The following CHD9 variants were observed in gnomAD, a reference collection of about 807,000 sequenced individuals.
CHD9 encodes the protein chromodomain helicase DNA binding protein 9.
A neutral mutation model predicts 316.1 loss-of-function variants in CHD9; 77 were observed. The observed-to-expected ratio is 0.24, with a 90% CI of 0.20 to 0.29. The LOEUF (loss-of-function observed/expected upper bound fraction) is 0.29. Ranked by LOEUF, CHD9 falls within the 10% of genes least tolerant of loss-of-function variation. The pLI is 1.00. For missense variants in CHD9, 2,763 were observed against 3,438.1 expected (o/e 0.80, Z 4.91); for synonymous variants, 1,129 against 1,158.3 (o/e 0.97, Z 0.51).
rs1384339006 is a variant in CHD9 at position 53,156,067 on chromosome 16, CG to C, written c.-21del. The stretch of plus-strand genomic sequence containing the variant: ...TATACTCCATTTGGAGTGAACAGCC[CG>C]GATTGTTACAGAATTTTCAAGATGA... On this transcript the variant is annotated 5_prime_UTR_variant, in exon 2 of 39. Transcript: ENST00000447540. 1 of 1,597,582 alleles carries C rather than the reference CG, an allele frequency of 6.3e-7. No individual in the cohort carries two copies. The highest frequency in any genetic ancestry group is 8.5e-7 in the Non-Finnish European group (1 of 1,171,854).
At chr16:53,246,312 T>C (rs1201845997) in intron 15 of CHD9, among the ~76,000 whole-genome samples, 1 of 152,156 alleles carries the variant, frequency 6.6e-6, no homozygotes, top group Non-Finnish European at 1.5e-5. Context: ...TACGCCTCTC[T>C]ACTCACTTTA....
intron 1 of CHD9, among the ~76,000 whole-genome samples, chr16:53,074,332 T>C (rs988757006): frequency 6.6e-6 from 1 of 152,140 alleles, no homozygotes; most frequent in Non-Finnish European, 1.5e-5. Context: ...TTCAGAAAAT[T>C]TGCAGCCTGA....
Position 53,222,753 on chromosome 16 carries a change from C to G in CHD9, c.1894C>G (p.Gln632Glu), listed in dbSNP as rs2047352249. The G allele has an allele frequency of 6.9e-7, 1 of 1,441,172 alleles. No homozygotes were observed. The highest frequency in any genetic ancestry group is 2.0e-5 in the Admixed American group (1 of 51,010). The allele number at this position is 1,441,172 out of a possible 1,614,324, so 89.3% of individuals were successfully genotyped here. A position where few individuals can be genotyped will look rare whatever the true frequency, so the allele number is the denominator to read the frequency against. ...GCATACATTAAAAGATCAAGACTCT[C>G]AAGTGAGTATTACAATTTTTTCTAG... is the stretch of plus-strand genomic sequence containing the variant. The part of the protein sequence containing the change: ...PQHTLKDQDS[Q>E]KRRSNRQIKR... Residue 632 changes from glutamine (Q) to glutamate (E), a missense_variant and splice_region_variant, in exon 4 of 39, where the codon CAA becomes GAA. Physicochemically the swap from Gln to Glu is conservative, Grantham distance 29. Coordinates refer to ENST00000447540, the MANE Select transcript of CHD9 (RefSeq NM_001308319.2).
chr16:53,138,646 T>C (rs1040674630), intron 1 of CHD9, among the ~76,000 whole-genome samples: 17 of 152,210 alleles, frequency 1.1e-4, no homozygotes, highest in African/African-American at 3.9e-4. Flanking sequence ...ATATAGAAGA[T>C]AGATTTGTCT....
intron 3 of CHD9, among the ~76,000 whole-genome samples, chr16:53,215,418 AT>A (rs2046674264): frequency 6.6e-6 from 1 of 152,174 alleles, no homozygotes; most frequent in African/African-American, 2.4e-5. Flanking sequence ...ACTTTCGCAT[AT>A]TTAAGGATTA....
At position 53,157,551 on chromosome 16, in the gene CHD9, T is replaced by A. The variant is rs185191599; in HGVS notation, c.1452+10T>A. 4.4e-6 allele frequency: 7 copies of A among 1,590,630 alleles called. No individual in the cohort carries two copies. The highest frequency in any genetic ancestry group is 4.3e-6 in the Non-Finnish European group (5 of 1,166,134). On this transcript the variant is annotated intron_variant, in intron 2 of 38. Coordinates refer to ENST00000447540, the MANE Select transcript of CHD9 (RefSeq NM_001308319.2). ...ATGTTTACAGCGACAGGTATGTAGCTCTTTGCTTTTATTTTGGAGATTTGG... is the reference window on the plus strand; with the variant it reads ...ATGTTTACAGCGACAGGTATGTAGCACTTTGCTTTTATTTTGGAGATTTGG...
intron 2 of CHD9, among the ~76,000 whole-genome samples, chr16:53,190,101 A>G (rs958990786): frequency 6.6e-5 from 10 of 152,128 alleles, no homozygotes; most frequent in Non-Finnish European, 1.0e-4. Flanking sequence ...TTGGTCCCCA[A>G]ATTATTCTTA....
At chr16:53,302,735 T>C (rs1305873845) in intron 30 of CHD9, among the ~76,000 whole-genome samples, 2 of 152,196 alleles carry the variant, frequency 1.3e-5, no homozygotes, top group South Asian at 2.1e-4. Flanking sequence ...TGGGTATTTA[T>C]TCTATAGGTT....
At position 53,245,011 on chromosome 16, in the gene CHD9, G is replaced by T. The variant is rs1457807039; in HGVS notation, c.3055-325G>T. ...CATACCTGTAGTCCTAGCTACTCGG[G>T]AGTCTGAGGCAGGAGGATCCCTTAA... is the stretch of plus-strand genomic sequence containing the variant. On this transcript the variant is annotated intron_variant, in intron 13 of 38. Transcript: ENST00000447540. This position sits in a 1 kb window ranked among gnomAD's most constrained non-coding sequence, Gnocchi z 4.1. Among the ~76,000 whole-genome samples, 1 of 151,978 alleles carries T rather than the reference G, an allele frequency of 6.6e-6. No homozygotes were observed. The highest frequency in any genetic ancestry group is 1.5e-5 in the Non-Finnish European group (1 of 67,998).
chr16:53,222,893 A>G (rs2152907089), intron 4 of CHD9, 138 bp downstream of exon 4: 1 of 544,590 alleles, frequency 1.8e-6, no homozygotes, highest in East Asian at 3.1e-5. Flanking sequence ...AGGTAGCATT[A>G]TTACAATATG....
In CHD9 at chr16:53,157,375, G is replaced by T. The variant is rs1327319296; in HGVS notation, c.1286G>T (p.Ser429Ile). The stretch of plus-strand genomic sequence containing the variant: ...TCAACATTCGGACAAGATAATTCAA[G>T]TCACATTTTAGATCATGACCTTGAT... ...DESTFGQDNSSHILDHDLDRQ... is the reference protein window; with the variant it reads ...DESTFGQDNSIHILDHDLDRQ... Residue 429 changes from serine (S) to isoleucine (I), a missense_variant, in exon 2 of 39, where the codon AGT becomes ATT. Ser to Ile is a moderately radical substitution (Grantham distance 142). This residue lies in a region of CHD9 where 859 missense variants were observed against 890.4 expected (regional missense o/e 0.96). Coordinates refer to ENST00000447540, the MANE Select transcript of CHD9 (RefSeq NM_001308319.2). The T allele has an allele frequency of 1.9e-6, 3 of 1,613,964 alleles. No homozygotes were observed. The highest frequency in any genetic ancestry group is 3.3e-5 in the Admixed American group (2 of 60,016).
At chr16:53,098,651 A>C (rs1318849098) in intron 1 of CHD9, among the ~76,000 whole-genome samples, 1 of 152,176 alleles carries the variant, frequency 6.6e-6, no homozygotes, top group African/African-American at 2.4e-5. Context: ...AGTGTGACTC[A>C]ATCAACGCGA....
chr16:53,252,701 A>T (rs1448971464), intron 17 of CHD9, among the ~76,000 whole-genome samples: 1 of 152,036 alleles, frequency 6.6e-6, no homozygotes, highest in African/African-American at 2.4e-5. Flanking sequence ...AAATCAGAAA[A>T]AAAAAAAAAA....
chr16:53,179,246 A>C (rs1254810224), intron 2 of CHD9, among the ~76,000 whole-genome samples: 1 of 152,204 alleles, frequency 6.6e-6, no homozygotes, highest in East Asian at 1.9e-4. Context: ...ATCACACCTA[A>C]GGTAACTGCT....
At chr16:53,164,230 C>T (rs7202782) in intron 2 of CHD9, among the ~76,000 whole-genome samples, 2 of 152,114 alleles carry the variant, frequency 1.3e-5, no homozygotes, top group African/African-American at 4.8e-5. Context: ...TATTCACAAT[C>T]GTTTATCTAT....
At chr16:53,057,514 C>T (rs912438887) in intron 1 of CHD9, among the ~76,000 whole-genome samples, 4 of 151,690 alleles carry the variant, frequency 2.6e-5, no homozygotes, top group African/African-American at 4.8e-5. Context: ...ATTAGCTGGG[C>T]GTGGTGGCAA....
intron 19 of CHD9, among the ~76,000 whole-genome samples, chr16:53,261,460 AC>A: frequency 6.9e-6 from 1 of 144,308 alleles, no homozygotes; most frequent in East Asian, 2.0e-4. Context: ...TGACCTCTCA[AC>A]CTCCTGGGGT....
intron 19 of CHD9, among the ~76,000 whole-genome samples, chr16:53,260,120 T>C (rs1396101507): frequency 2.6e-5 from 4 of 152,214 alleles, no homozygotes; most frequent in African/African-American, 9.6e-5. Context: ...ACATACTTAT[T>C]TTATACAGCT....
Position 53,293,147 on chromosome 16 carries a change from C to T in CHD9, c.5510+95C>T. ...TACAATTATCACGCTTTGTGGAAAA[C>T]ATACATAGAATGTTGGTCAAAGCAA... On this transcript the variant is annotated intron_variant, in intron 29 of 38. Transcript: ENST00000447540. The T allele has an allele frequency of 6.4e-6, 7 of 1,101,566 alleles. No individual in the cohort carries two copies. In the South Asian group the frequency reaches 1.0e-4, roughly 16 times the overall value. 68.2% of individuals were successfully genotyped at this position (1,101,566 alleles called of 1,614,324 possible). A position where few individuals can be genotyped will look rare whatever the true frequency, so the allele number is the denominator to read the frequency against.
Sources: allele counts gnomAD v4.1 joint callset (sites outside exome capture counted in the v4.1 genomes callset), GRCh38; gene constraint gnomAD v4.1.1; regional missense constraint gnomAD v4.1.1; non-coding constraint Gnocchi (gnomAD v3.1); transcripts MANE v1.5; gene names NCBI Gene and HGNC (gene_info 2026-07-23, HGNC 2026-07-21).